Variants in KIF26B observed in about 807,000 individuals in gnomAD.
KIF26B encodes the protein kinesin family member 26B, also known as kinesin-like protein KIF26B.
A neutral mutation model predicts 151.2 loss-of-function variants in KIF26B; 63 were observed. The observed-to-expected ratio is 0.42, with a 90% CI of 0.34 to 0.51. The LOEUF (loss-of-function observed/expected upper bound fraction) is 0.51, where lower values mean the gene tolerates loss of function less well. KIF26B is among the 20% of genes least tolerant of loss of function. KIF26B has a pLI of 0.07. For missense variants in KIF26B, 2,813 were observed against 2,913.6 expected (o/e 0.97, Z 0.79); for synonymous variants, 1,357 against 1,262.1 (o/e 1.08, Z -1.59).
In KIF26B at chr1:245,684,305, C is replaced by T; in HGVS notation, c.2331C>T (p.His777=). 1 of 1,613,972 alleles carries T rather than the reference C, an allele frequency of 6.2e-7. No homozygotes were observed. Among genetic ancestry groups the T allele is most frequent in the Non-Finnish European group, 8.5e-7 (1 of 1,179,876 alleles). Residue 777 remains histidine, a synonymous_variant, in exon 11 of 15, where the codon CAC becomes CAT. Coordinates refer to ENST00000407071, the MANE Select transcript of KIF26B (RefSeq NM_018012.4). ...NMNCRTTMIA[H]ISAAVGSYAE... is the part of the protein sequence containing the mutation. ...ACTGCCGTACCACCATGATCGCGCA[C>T]ATCTCGGCCGCGGTCGGGAGCTACG...
chr1:245,414,875 C>A (rs1361655093), intron 3 of KIF26B, among the ~76,000 whole-genome samples: 1 of 152,204 alleles, frequency 6.6e-6, no homozygotes, highest in Admixed American at 6.5e-5. Context: ...CCAAGTCTGT[C>A]TGGTGCTCAG....
Position 245,597,116 on chromosome 1 carries a change from T to C in KIF26B, c.1351-5461T>C, listed in dbSNP as rs2043343068. ...GTCTATATCTTTTAATTGGGGCATTTAGCCCATTTACATTTAAGGTTAATA... is the reference window on the plus strand; with the variant it reads ...GTCTATATCTTTTAATTGGGGCATTCAGCCCATTTACATTTAAGGTTAATA... On this transcript the variant is annotated intron_variant, in intron 5 of 14. Transcript: ENST00000407071. This position sits in a 1 kb window ranked among gnomAD's most constrained non-coding sequence, Gnocchi z 4.6. Among the ~76,000 whole-genome samples, 1 of 152,260 alleles carries C rather than the reference T, an allele frequency of 6.6e-6. No individual in the cohort carries two copies. The highest frequency in any genetic ancestry group is 1.5e-5 in the Non-Finnish European group (1 of 68,050).
chr1:245,512,334 A>T lies in KIF26B; in HGVS notation c.1167-28433A>T, dbSNP rs1045113574. Among the ~76,000 whole-genome samples, 4 of 151,768 alleles carry T rather than the reference A, an allele frequency of 2.6e-5. No individual in the cohort carries two copies. Among genetic ancestry groups the T allele is most frequent in the African/African-American group, 9.7e-5 (4 of 41,276 alleles). On this transcript the variant is annotated intron_variant, in intron 4 of 14. Coordinates refer to ENST00000407071, the MANE Select transcript of KIF26B (RefSeq NM_018012.4). The surrounding 1 kb of genome is among the most constrained non-coding windows in gnomAD (Gnocchi z 4.3). ...TCTGAGTCTTGGAACATCATGAAAG[A>T]CTCTTCTGCAGATTTCCTTTTAACA...
At chr1:245,192,533 C>T (rs1669127828) in intron 2 of KIF26B, among the ~76,000 whole-genome samples, 1 of 152,166 alleles carries the variant, frequency 6.6e-6, no homozygotes, top group Non-Finnish European at 1.5e-5. Context: ...ATAAATCATC[C>T]TTGAATAAAC....
intron 5 of KIF26B, among the ~76,000 whole-genome samples, chr1:245,568,868 A>G (rs1479360491): frequency 5.9e-5 from 9 of 152,242 alleles, no homozygotes; most frequent in Admixed American, 3.9e-4. Flanking sequence ...TGAATTGGGC[A>G]GAACCAGAAT....
intron 2 of KIF26B, among the ~76,000 whole-genome samples, chr1:245,175,406 C>A (rs1173761396): frequency 1.3e-5 from 2 of 151,912 alleles, no homozygotes; most frequent in Admixed American, 6.6e-5. Flanking sequence ...GTGCTGTGAA[C>A]GTGATCATGA....
intron 3 of KIF26B, among the ~76,000 whole-genome samples, chr1:245,409,322 G>T (rs1169480967): frequency 2.0e-5 from 3 of 152,168 alleles, no homozygotes; most frequent in Admixed American, 2.0e-4. Flanking sequence ...GCTGAATCTC[G>T]GTCCTTCCTG....
chr1:245,292,302 C>T (rs12569276), intron 2 of KIF26B, among the ~76,000 whole-genome samples: 59,398 of 152,008 alleles, frequency 0.39, 12,013 homozygotes, highest in East Asian at 0.59. Context: ...CATGGGGCAC[C>T]GGAAGCTGGT....
intron 10 of KIF26B, among the ~76,000 whole-genome samples, chr1:245,669,914 C>T (rs1323087665): frequency 1.3e-5 from 2 of 152,030 alleles, no homozygotes; most frequent in Non-Finnish European, 2.9e-5. Context: ...CCTATGTTCT[C>T]AGGTATAAGT....
chr1:245,610,542 G>T (rs2043508595), intron 8 of KIF26B, among the ~76,000 whole-genome samples: 1 of 152,100 alleles, frequency 6.6e-6, no homozygotes, highest in South Asian at 2.1e-4. Context: ...CATCAAATGT[G>T]CAGAGACAGT....
intron 2 of KIF26B, among the ~76,000 whole-genome samples, chr1:245,299,377 G>T (rs762163785): frequency 2.1e-5 from 3 of 143,924 alleles, no homozygotes; most frequent in Non-Finnish European, 4.5e-5. Flanking sequence ...GGTTGTAAAA[G>T]GATAAAGGAT....
intron 2 of KIF26B, among the ~76,000 whole-genome samples, chr1:245,223,290 C>T (rs192496599): frequency 6.6e-6 from 1 of 152,266 alleles, no homozygotes. Context: ...ATACTTCCTC[C>T]TACATATTTA....
rs955239264 is a variant in KIF26B at position 245,193,355 on chromosome 1, C to T, written c.465+36672C>T. 9.2e-5 allele frequency among the ~76,000 whole-genome samples: 14 copies of T among 152,220 alleles called. No individual in the cohort carries two copies. The East Asian group carries it at 2.5e-3, about 27-fold the overall frequency. On this transcript the variant is annotated intron_variant, in intron 2 of 14. Transcript: ENST00000407071. ...GCAGTGAACATACGTGTGCATATGCCTTTATGGTAGAATGATTTATGTTCC... is the reference window on the plus strand; with the variant it reads ...GCAGTGAACATACGTGTGCATATGCTTTTATGGTAGAATGATTTATGTTCC...
Position 245,611,974 on chromosome 1 carries a change from G to T in KIF26B, c.2096G>T (p.Gly699Val). ...QYRMEKSGKG[G>V]MSGGRSRLHL... is the part of the protein sequence containing the mutation. Reference sequence around the variant, plus strand: ...CGGATGGAGAAGAGCGGGAAAGGGGGAAGTAAGTCGGCCACTCCACCCTCC... The same window carrying T: ...CGGATGGAGAAGAGCGGGAAAGGGGTAAGTAAGTCGGCCACTCCACCCTCC... Residue 699 changes from glycine to valine, a missense_variant and splice_region_variant, in exon 9 of 15, where the codon GGA (glycine) becomes GTA (valine). By Grantham distance (109) the Gly-to-Val change is moderately radical (BLOSUM62 -3). Coordinates refer to ENST00000407071, the MANE Select transcript of KIF26B (RefSeq NM_018012.4). 4 of 1,610,792 alleles carry T rather than the reference G, an allele frequency of 2.5e-6. No homozygotes were observed. Among genetic ancestry groups the T allele is most frequent in the Non-Finnish European group, 2.5e-6 (3 of 1,177,534 alleles).
chr1:245,350,011 A>G (rs930323179), intron 2 of KIF26B, among the ~76,000 whole-genome samples: 7 of 152,114 alleles, frequency 4.6e-5, no homozygotes, highest in Admixed American at 4.6e-4. Flanking sequence ...TGACCACATC[A>G]TTGGGAGTAC....
intron 9 of KIF26B, among the ~76,000 whole-genome samples, chr1:245,640,143 C>CTATATATATATA (rs1166040223): frequency 1.3e-4 from 4 of 31,902 alleles, no homozygotes; most frequent in South Asian, 1.3e-3. Flanking sequence ...CTCTCTCTCT[C>CTATATATATATA]TATATATATA....
At position 245,276,614 on chromosome 1, in the gene KIF26B, G is replaced by T. The variant is rs981189799; in HGVS notation, c.466-90220G>T. On this transcript the variant is annotated intron_variant, in intron 2 of 14. Transcript: ENST00000407071. Reference sequence around the variant, plus strand: ...ATCCAGTCTACTCTTCCCCGCTCCCGGGAGAAGCGAGGAGCTGGCAGTTTC... The same window carrying T: ...ATCCAGTCTACTCTTCCCCGCTCCCTGGAGAAGCGAGGAGCTGGCAGTTTC... Among the ~76,000 whole-genome samples the T allele has an allele frequency of 1.3e-5, 2 of 152,132 alleles. 1 individual carries two copies.
Position 245,522,098 on chromosome 1 carries a change from T to C in KIF26B, c.1167-18669T>C, listed in dbSNP as rs544964000. On this transcript the variant is annotated intron_variant, in intron 4 of 14. Coordinates refer to ENST00000407071, the MANE Select transcript of KIF26B (RefSeq NM_018012.4). ...GTTAGCCAGGATGGTCTCGATCTCC[T>C]GACCTCATGATCTGCCCGCCTTGGC... 7.9e-5 allele frequency among the ~76,000 whole-genome samples: 12 copies of C among 152,286 alleles called. No homozygotes were observed. In the South Asian group the frequency reaches 2.5e-3, roughly 32 times the overall value.
intron 2 of KIF26B, among the ~76,000 whole-genome samples, chr1:245,249,489 ATTTTTTTTTT>A (rs60378504): frequency 1.3e-5 from 1 of 79,808 alleles, no homozygotes; most frequent in African/African-American, 4.8e-5. Flanking sequence ...GTGTTAATCT[ATTTTTTTTTT>A]TTTTTTTTTT....
Sources: allele counts gnomAD v4.1 joint callset (sites outside exome capture counted in the v4.1 genomes callset), GRCh38; gene constraint gnomAD v4.1.1; non-coding constraint Gnocchi (gnomAD v3.1); transcripts MANE v1.5; gene names NCBI Gene and HGNC (gene_info 2026-07-23, HGNC 2026-07-21).